MEGF11: variants seen among roughly 807,000 people sequenced by gnomAD.
MEGF11 encodes multiple epidermal growth factor-like domains protein 11.
Under a neutral mutation model 146.6 loss-of-function variants are expected in MEGF11, and 126 were observed. The ratio of observed to expected loss-of-function variants is 0.86; its 90% CI spans 0.74 to 1.00. The LOEUF is 1.00. Ranked by LOEUF, MEGF11 falls within the 50% of genes least tolerant of loss-of-function variation. The probability of loss-of-function intolerance (pLI) is 0.00; values close to 1 mark genes in which losing one functional copy is unlikely to be tolerated. For missense variants in MEGF11, 1,509 were observed against 1,521.2 expected (o/e 0.99, Z 0.13); for synonymous variants, 532 against 583.4 (o/e 0.91, Z 1.27).
intron 23 of MEGF11, among the ~76,000 whole-genome samples, chr15:65,907,359 A>G (rs570895921): frequency 1.3e-5 from 2 of 152,026 alleles, no homozygotes; most frequent in South Asian, 2.1e-4. Context: ...CAGTGGCGCA[A>G]TCTCTGTTCA....
At position 66,063,597 on chromosome 15, in the gene MEGF11, G is replaced by A. The variant is rs142127416; in HGVS notation, c.394+30805C>T. 3.3e-5 allele frequency among the ~76,000 whole-genome samples: 5 copies of A among 152,292 alleles called. No homozygotes were observed. The East Asian group carries it at 9.6e-4, about 29-fold the overall frequency. Reference sequence around the variant, plus strand: ...GTGTGTGCACGGCCTCTCCCCACAAGTCTTCATTGTAAGTCTTTCTGCCTG... The same window carrying A: ...GTGTGTGCACGGCCTCTCCCCACAAATCTTCATTGTAAGTCTTTCTGCCTG... On this transcript the variant is annotated intron_variant, in intron 5 of 25. Transcript: ENST00000395614.
In MEGF11 at chr15:65,915,530, C is replaced by T; in HGVS notation, c.2413G>A (p.Asp805Asn). 6.2e-7 allele frequency: 1 copy of T among 1,613,968 alleles called. No homozygotes were observed. Among genetic ancestry groups the T allele is most frequent in the Non-Finnish European group, 8.5e-7 (1 of 1,179,874 alleles). ...LCECMNNSTC[D>N]HVTGTCYCSP... ...CAGTAACAGGTGCCGGTGACATGGT[C>T]ACAGGTGGAGTTGTTCATGCACTCA... is the stretch of plus-strand genomic sequence containing the variant. Residue 805 changes from aspartate to asparagine, a missense_variant, in exon 19 of 26, where the codon GAC becomes AAC. Transcript: ENST00000395614.
rs1019873242 is a variant in MEGF11, at chr15:65,898,112, A to G, written c.3263-18T>C. The G allele has an allele frequency of 1.2e-6, 2 of 1,605,800 alleles. No homozygotes were observed. Among genetic ancestry groups the G allele is most frequent in the African/African-American group, 2.7e-5 (2 of 74,804 alleles). ...TGTGGGCTCTAAGAAATATAGTGAAAAATGAGTTCAGAGAACAGATTAGCT... is the reference window on the plus strand; with the variant it reads ...TGTGGGCTCTAAGAAATATAGTGAAGAATGAGTTCAGAGAACAGATTAGCT... On this transcript the variant is annotated intron_variant, in intron 25 of 25. Coordinates refer to ENST00000395614, the MANE Select transcript of MEGF11 (RefSeq NM_001385028.1).
At chr15:66,155,493 C>G (rs146706318) in intron 1 of MEGF11, among the ~76,000 whole-genome samples, 22 of 152,144 alleles carry the variant, frequency 1.4e-4, no homozygotes, top group Non-Finnish European at 2.8e-4. Context: ...TCCAGTCTCC[C>G]GGCCTTAAAT....
intron 1 of MEGF11, among the ~76,000 whole-genome samples, chr15:66,189,277 C>T (rs533538470): frequency 6.6e-6 from 1 of 152,230 alleles, no homozygotes; most frequent in African/African-American, 2.4e-5. Flanking sequence ...GCTTCAAAAC[C>T]CCTCAGCATG....
chr15:66,046,904 T>C (rs1437529157), intron 5 of MEGF11, among the ~76,000 whole-genome samples: 3 of 152,206 alleles, frequency 2.0e-5, no homozygotes, highest in Non-Finnish European at 2.9e-5. Context: ...AGCATCACTG[T>C]GAGGAATGGG....
intron 20 of MEGF11, chr15:65,912,489 T>C (rs1299955350): frequency 4.2e-6 from 1 of 238,558 alleles, no homozygotes; most frequent in Non-Finnish European, 8.0e-6. Flanking sequence ...CATGTTTGCT[T>C]TGATAGCCTT....
intron 5 of MEGF11, among the ~76,000 whole-genome samples, chr15:66,014,324 T>C (rs930368310): frequency 3.3e-5 from 5 of 152,212 alleles, no homozygotes; most frequent in African/African-American, 1.2e-4. Context: ...TAAGGTCACA[T>C]TCACAGGCTC....
intron 1 of MEGF11, among the ~76,000 whole-genome samples, chr15:66,188,765 A>G (rs1345963597): frequency 6.6e-6 from 1 of 152,180 alleles, no homozygotes; most frequent in African/African-American, 2.4e-5. Flanking sequence ...CCTAGCCTCC[A>G]TCAAGCACCC....
chr15:66,123,297 G>A (rs1050939764), intron 3 of MEGF11, among the ~76,000 whole-genome samples: 4 of 152,186 alleles, frequency 2.6e-5, no homozygotes, highest in Admixed American at 1.3e-4. Context: ...TCAAGGTGCC[G>A]AGAGGTTGCT....
chr15:66,093,134 A>C (rs577479079), intron 5 of MEGF11, among the ~76,000 whole-genome samples: 34 of 152,272 alleles, frequency 2.2e-4, no homozygotes, highest in Non-Finnish European at 3.2e-4. Context: ...TGGTCACTGG[A>C]GGTCCTAACA....
At chr15:65,962,954 G>T (rs576910887) in intron 9 of MEGF11, among the ~76,000 whole-genome samples, 1 of 151,132 alleles carries the variant, frequency 6.6e-6, no homozygotes, top group South Asian at 2.1e-4. Context: ...TGAGATTAGC[G>T]GGAGAGAAGA....
At chr15:66,121,324 T>C (rs921301431) in intron 3 of MEGF11, among the ~76,000 whole-genome samples, 10 of 152,266 alleles carry the variant, frequency 6.6e-5, no homozygotes, top group East Asian at 1.9e-4. Context: ...TCTGGCAAAA[T>C]TGGTGGGGTG....
intron 5 of MEGF11, among the ~76,000 whole-genome samples, chr15:66,093,151 G>A (rs2086389778): frequency 6.6e-6 from 1 of 152,134 alleles, no homozygotes; most frequent in African/African-American, 2.4e-5. Flanking sequence ...AACACATTAG[G>A]GGGTTTCTTG....
At chr15:66,214,787 C>T (rs2091545116) in intron 1 of MEGF11, among the ~76,000 whole-genome samples, 1 of 152,158 alleles carries the variant, frequency 6.6e-6, no homozygotes, top group Non-Finnish European at 1.5e-5. Flanking sequence ...TTGCCACGCA[C>T]AGGGTACAGG....
chr15:66,005,586 A>G (rs896951527), intron 5 of MEGF11, among the ~76,000 whole-genome samples: 1 of 152,220 alleles, frequency 6.6e-6, no homozygotes, highest in Non-Finnish European at 1.5e-5. Flanking sequence ...TTTAAGAAAA[A>G]TGGTCCAGTT....
At chr15:65,935,188 T>A (rs184732784) in intron 10 of MEGF11, among the ~76,000 whole-genome samples, 81 of 151,332 alleles carry the variant, frequency 5.4e-4, no homozygotes, top group Non-Finnish European at 9.4e-4. Flanking sequence ...GGCGTGGTGG[T>A]GCACACCTGT....
intron 8 of MEGF11, among the ~76,000 whole-genome samples, chr15:65,969,619 C>T (rs1422370059): frequency 6.6e-6 from 1 of 152,134 alleles, no homozygotes; most frequent in African/African-American, 2.4e-5. Context: ...GGAGGAGCCC[C>T]GATTATGTCT....
intron 5 of MEGF11, among the ~76,000 whole-genome samples, chr15:66,070,707 G>A (rs2085328690): frequency 6.6e-6 from 1 of 152,092 alleles, no homozygotes; most frequent in Non-Finnish European, 1.5e-5. Flanking sequence ...CAGCGGGGAG[G>A]CCTTGACTAT....
Sources: allele counts gnomAD v4.1 joint callset (sites outside exome capture counted in the v4.1 genomes callset), GRCh38; gene constraint gnomAD v4.1.1; transcripts MANE v1.5; gene names NCBI Gene and HGNC (gene_info 2026-07-23, HGNC 2026-07-21).